Variants in GABRR2 observed in about 807,000 individuals in gnomAD.
GABRR2 encodes the protein gamma-aminobutyric acid type A receptor subunit rho2.
GABRR2 carries 36 observed loss-of-function variants against 47.0 expected under a neutral mutation model. The ratio of observed to expected loss-of-function variants is 0.77; its 90% CI spans 0.59 to 1.01. The LOEUF is 1.01. Ranked by LOEUF, GABRR2 falls within the 50% of genes least tolerant of loss-of-function variation. The pLI, the probability that GABRR2 is intolerant of heterozygous loss-of-function variation, is 0.00. For missense variants in GABRR2, 587 were observed against 594.6 expected (o/e 0.99, Z 0.13); for synonymous variants, 204 against 227.5 (o/e 0.90, Z 0.93).
At chr6:89,271,548 A>G (rs1164775638) in intron 3 of GABRR2, 107 bp downstream of exon 3, 8 of 986,188 alleles carry the variant, frequency 8.1e-6, no homozygotes, top group Non-Finnish European at 1.1e-5. Context: ...CCAAGCGCCC[A>G]TTTTATCACC....
chr6:89,264,584 G>T lies in GABRR2; in HGVS notation c.914C>A (p.Thr305Asn), dbSNP rs142375630. 1.9e-6 allele frequency: 3 copies of T among 1,614,200 alleles called. No individual in the cohort carries two copies. Among genetic ancestry groups the T allele is most frequent in the East Asian group, 2.2e-5 (1 of 44,876 alleles). The change falls in exon 8 of 9, where the codon ACC (threonine) becomes AAC (asparagine). Residue 305 changes from threonine (T) to asparagine (N), a missense_variant. Thr to Asn is a moderately conservative substitution (Grantham distance 65). Coordinates refer to ENST00000402938, the MANE Select transcript of GABRR2 (RefSeq NM_002043.5). ...SLGITTVLTM[T>N]TIITGVNASM... is the part of the protein sequence containing the mutation. ...GGCATTCACGCCCGTGATGATGGTG[G>T]TCATGGTCAGCACCGTCGTGATACC...
intron 4 of GABRR2, 21 bp downstream of exon 4, chr6:89,268,990 C>A: frequency 6.2e-7 from 1 of 1,605,426 alleles, no homozygotes; most frequent in Middle Eastern, 1.7e-4. Flanking sequence ...GACAGAGGAA[C>A]AATGGCCCCC....
intron 2 of GABRR2, among the ~76,000 whole-genome samples, chr6:89,282,453 T>C (rs1319155603): frequency 6.6e-6 from 1 of 152,210 alleles, no homozygotes; most frequent in African/African-American, 2.4e-5. Context: ...CCCAATGGAC[T>C]AAGTTGACAT....
At chr6:89,311,324 G>C (rs1767678451) in intron 1 of GABRR2, among the ~76,000 whole-genome samples, 1 of 152,186 alleles carries the variant, frequency 6.6e-6, no homozygotes, top group South Asian at 2.1e-4. Context: ...AGGCTTAGGA[G>C]AGCGGAAGTC....
intron 2 of GABRR2, among the ~76,000 whole-genome samples, chr6:89,297,049 A>G (rs1774567302): frequency 6.6e-6 from 1 of 152,162 alleles, no homozygotes; most frequent in African/African-American, 2.4e-5. Flanking sequence ...TGTTCGGAAT[A>G]GCACCCACAC....
intron 2 of GABRR2, among the ~76,000 whole-genome samples, chr6:89,293,556 G>C (rs535825357): frequency 6.6e-6 from 1 of 152,272 alleles, no homozygotes; most frequent in South Asian, 2.1e-4. Flanking sequence ...GGAGGCTAAG[G>C]CGGGCAGATC....
chr6:89,294,302 A>AC (rs1486374513), intron 2 of GABRR2, among the ~76,000 whole-genome samples: 1 of 152,088 alleles, frequency 6.6e-6, no homozygotes, highest in Admixed American at 6.6e-5. Flanking sequence ...GTGTCACCAC[A>AC]CCAGGCTAAA....
chr6:89,289,953 TA>T lies in GABRR2; in HGVS notation c.220+9805del, dbSNP rs1774407466. ...GGGACCAAGGCACAACCTTGCTTTA[TA>T]ACAACCTACTCTTATGGGACTCTTT... On this transcript the variant is annotated intron_variant, in intron 2 of 8. Coordinates refer to ENST00000402938, the MANE Select transcript of GABRR2 (RefSeq NM_002043.5). 2.6e-5 allele frequency among the ~76,000 whole-genome samples: 4 copies of T among 152,124 alleles called. No homozygotes were observed. The South Asian group carries it at 8.3e-4, about 31-fold the overall frequency.
chr6:89,273,450 G>A (rs1774096158), intron 2 of GABRR2, among the ~76,000 whole-genome samples: 1 of 152,220 alleles, frequency 6.6e-6, no homozygotes, highest in South Asian at 2.1e-4. Context: ...GGTCAGGCTG[G>A]TCTCAAACTC....
intron 2 of GABRR2, among the ~76,000 whole-genome samples, chr6:89,272,886 T>C (rs1306480618): frequency 2.6e-5 from 4 of 152,182 alleles, no homozygotes. Flanking sequence ...AGCCCAGTCC[T>C]CAGCTCCCGC....
chr6:89,296,858 A>G (rs1774563723), intron 2 of GABRR2, among the ~76,000 whole-genome samples: 1 of 152,224 alleles, frequency 6.6e-6, no homozygotes, highest in Admixed American at 6.5e-5. Context: ...CATTTTCATA[A>G]GGCTTTCGCT....
At chr6:89,300,102 G>A (rs1246259926) in intron 1 of GABRR2, among the ~76,000 whole-genome samples, 3 of 152,216 alleles carry the variant, frequency 2.0e-5, no homozygotes, top group Non-Finnish European at 2.9e-5. Flanking sequence ...GCCCTCCTGG[G>A]CAGGACAACA....
chr6:89,268,400 G>A (rs1373770742), intron 4 of GABRR2, among the ~76,000 whole-genome samples: 2 of 152,184 alleles, frequency 1.3e-5, no homozygotes, highest in East Asian at 1.9e-4. Context: ...CAGCCAGCAG[G>A]GCCACCTCCT....
chr6:89,303,428 G>A (rs927095962), intron 1 of GABRR2, among the ~76,000 whole-genome samples: 7 of 148,796 alleles, frequency 4.7e-5, no homozygotes, highest in Non-Finnish European at 1.0e-4. Context: ...AAAAAAAAAA[G>A]AAATCAGAGA....
At chr6:89,298,044 G>A (rs369964874) in intron 2 of GABRR2, among the ~76,000 whole-genome samples, 1 of 152,100 alleles carries the variant, frequency 6.6e-6, no homozygotes, top group Non-Finnish European at 1.5e-5. Flanking sequence ...CTTTATTTTC[G>A]TAAAATTCCT....
intron 1 of GABRR2, among the ~76,000 whole-genome samples, chr6:89,300,264 CT>C (rs562067584): frequency 1.2e-3 from 189 of 152,260 alleles, no homozygotes; most frequent in African/African-American, 4.5e-3. Context: ...AATCCCAGCA[CT>C]TTGGGAAGCT....
chr6:89,303,060 G>C, intron 1 of GABRR2: 1 of 929,928 alleles, frequency 1.1e-6, no homozygotes, highest in South Asian at 1.3e-5. Context: ...CCCAGGAGGA[G>C]GGTGAGATGT....
intron 3 of GABRR2, 24 bp downstream of exon 3, chr6:89,271,631 G>C: frequency 6.2e-7 from 1 of 1,601,726 alleles, no homozygotes; most frequent in East Asian, 2.2e-5. Context: ...CTCTCACGCT[G>C]TGTCACTGGA....
intron 1 of GABRR2, among the ~76,000 whole-genome samples, chr6:89,304,421 C>G (rs567053396): frequency 1.3e-5 from 2 of 151,746 alleles, no homozygotes; most frequent in Non-Finnish European, 2.9e-5. Flanking sequence ...GATGAAACCC[C>G]GTCTCTACTA....
Sources: allele counts gnomAD v4.1 joint callset (sites outside exome capture counted in the v4.1 genomes callset), GRCh38; gene constraint gnomAD v4.1.1; transcripts MANE v1.5; gene names NCBI Gene and HGNC (gene_info 2026-07-23, HGNC 2026-07-21).